The following RORA variants were observed in gnomAD, a reference collection of about 807,000 sequenced individuals.
The protein encoded by RORA is RAR related orphan receptor A.
In RORA, 7 loss-of-function variants were observed where a neutral mutation model predicts 69.5. That is an observed-to-expected ratio of 0.10 (90% CI 0.06 to 0.19). The LOEUF is 0.19. Among genes scored for constraint, RORA ranks in the 10% least tolerant of loss-of-function variants. The pLI, the probability that RORA is intolerant of heterozygous loss-of-function variation, is 1.00. For synonymous variants in RORA, 261 were observed against 240.8 expected (o/e 1.08, Z -0.78); for missense variants, 457 against 663.0 (o/e 0.69, Z 3.41).
chr15:60,614,018 AAAAAATG>A (rs1405689979), intron 2 of RORA, among the ~76,000 whole-genome samples: 2 of 152,150 alleles, frequency 1.3e-5, no homozygotes, highest in Non-Finnish European at 2.9e-5. Flanking sequence ...CATATATGAT[AAAAAATG>A]AAAAAGGAAA....
chr15:61,106,685 GCTGT>G (rs1157126677), intron 1 of RORA, among the ~76,000 whole-genome samples: 1 of 152,094 alleles, frequency 6.6e-6, no homozygotes. Flanking sequence ...CATGGCCTGT[GCTGT>G]CAAATACAGT....
At chr15:60,712,130 T>C (rs571128453) in intron 1 of RORA, among the ~76,000 whole-genome samples, 11 of 152,196 alleles carry the variant, frequency 7.2e-5, no homozygotes, top group Non-Finnish European at 1.6e-4. Context: ...ATATCCTACA[T>C]AGGACATGTT....
chr15:60,935,098 T>C (rs1892482305), intron 1 of RORA, among the ~76,000 whole-genome samples: 1 of 152,232 alleles, frequency 6.6e-6, no homozygotes, highest in South Asian at 2.1e-4. Context: ...ATTTTCTGAA[T>C]GAATGAATAA....
intron 1 of RORA, among the ~76,000 whole-genome samples, chr15:61,093,362 T>C (rs932055747): frequency 6.6e-6 from 1 of 152,140 alleles, no homozygotes; most frequent in Non-Finnish European, 1.5e-5. Flanking sequence ...ACTAAGCAGG[T>C]GTCAGGTGTG....
At chr15:60,876,049 G>A (rs1156583410) in intron 1 of RORA, among the ~76,000 whole-genome samples, 2 of 152,094 alleles carry the variant, frequency 1.3e-5, no homozygotes. Context: ...TTATCCTCAA[G>A]GAAAGAGAAA....
At chr15:61,164,734 C>T (rs1012147728) in intron 1 of RORA, among the ~76,000 whole-genome samples, 1 of 152,020 alleles carries the variant, frequency 6.6e-6, no homozygotes, top group African/African-American at 2.4e-5. Context: ...ACCAGATCTG[C>T]AGATTATATA....
At chr15:60,747,282 T>C (rs1430496479) in intron 1 of RORA, among the ~76,000 whole-genome samples, 1 of 152,160 alleles carries the variant, frequency 6.6e-6, no homozygotes, top group African/African-American at 2.4e-5. Context: ...AAGATCTTTT[T>C]AACTGGGAGA....
At chr15:60,717,359 T>C (rs1372185249) in intron 1 of RORA, among the ~76,000 whole-genome samples, 1 of 152,214 alleles carries the variant, frequency 6.6e-6, no homozygotes, top group African/African-American at 2.4e-5. Flanking sequence ...AACAGTGCCT[T>C]GTACGCAACC....
At chr15:60,729,160 T>C (rs1224560287) in intron 1 of RORA, among the ~76,000 whole-genome samples, 3 of 152,144 alleles carry the variant, frequency 2.0e-5, no homozygotes, top group Non-Finnish European at 4.4e-5. Flanking sequence ...GCCCCAACAC[T>C]GGGTTCCCTC....
chr15:60,849,266 A>T (rs1199804785), intron 1 of RORA, among the ~76,000 whole-genome samples: 6 of 152,220 alleles, frequency 3.9e-5, no homozygotes, highest in Non-Finnish European at 5.9e-5. Flanking sequence ...CTAATGCCTG[A>T]CACATAGCAA....
chr15:60,569,201 G>A (rs1419167796), intron 2 of RORA, among the ~76,000 whole-genome samples: 1 of 148,254 alleles, frequency 6.7e-6, no homozygotes, highest in African/African-American at 2.5e-5. Context: ...AGGACTGCTT[G>A]AACCTAAGAG....
intron 1 of RORA, among the ~76,000 whole-genome samples, chr15:60,745,382 G>A (rs1314215644): frequency 4.6e-5 from 7 of 152,208 alleles, no homozygotes; most frequent in Non-Finnish European, 8.8e-5. Flanking sequence ...ACACATGTCC[G>A]GGTAGCTACC....
At chr15:60,877,423 A>T (rs1030872989) in intron 1 of RORA, among the ~76,000 whole-genome samples, 6 of 152,124 alleles carry the variant, frequency 3.9e-5, no homozygotes, top group Non-Finnish European at 8.8e-5. Context: ...GAGTGTTCTT[A>T]TGACTTTTTT....
At chr15:60,611,595 A>C in intron 2 of RORA, among the ~76,000 whole-genome samples, 1 of 129,416 alleles carries the variant, frequency 7.7e-6, no homozygotes, top group Admixed American at 8.2e-5. Flanking sequence ...AAAAAGGTGG[A>C]GTCTTCTTTG....
At chr15:60,913,457 C>T (rs1891786408) in intron 1 of RORA, among the ~76,000 whole-genome samples, 3 of 152,198 alleles carry the variant, frequency 2.0e-5, no homozygotes, top group Admixed American at 2.0e-4. Flanking sequence ...GCCAAGTGCC[C>T]TTATTGTTTT....
intron 1 of RORA, among the ~76,000 whole-genome samples, chr15:61,049,437 C>T (rs529072523): frequency 1.9e-4 from 29 of 152,082 alleles, no homozygotes; most frequent in African/African-American, 6.3e-4. Flanking sequence ...TGTCCTCAAA[C>T]GAAAATAATA....
intron 1 of RORA, among the ~76,000 whole-genome samples, chr15:60,940,028 A>C (rs1262833593): frequency 1.3e-5 from 2 of 152,214 alleles, no homozygotes; most frequent in African/African-American, 4.8e-5. Context: ...GAGCCTTGGC[A>C]TTGCTACTTC....
intron 2 of RORA, among the ~76,000 whole-genome samples, chr15:60,620,481 A>AAAAT (rs2140620346): frequency 6.6e-6 from 1 of 152,352 alleles, no homozygotes; most frequent in East Asian, 1.9e-4. Context: ...TTTTTAAATG[A>AAAAT]AAATAAAAAT....
chr15:60,625,872 C>G (rs1209118027), intron 2 of RORA, among the ~76,000 whole-genome samples: 1 of 152,230 alleles, frequency 6.6e-6, no homozygotes, highest in East Asian at 1.9e-4. Context: ...AATATTGTAT[C>G]ATGTACCTAT....
Sources: gnomAD v4.1 joint callset for allele counts (sites outside exome capture counted in the v4.1 genomes callset) on GRCh38, gnomAD v4.1.1 for gene constraint, MANE v1.5 for transcripts, NCBI Gene and HGNC (gene_info 2026-07-23, HGNC 2026-07-21) for gene names.